GMNN: variants seen among roughly 807,000 people sequenced by gnomAD.
GMNN encodes the protein geminin.
Under a neutral mutation model 20.9 loss-of-function variants are expected in GMNN, and 14 were observed. That is an observed-to-expected ratio of 0.67 (90% CI 0.44 to 1.05). The LOEUF is 1.05. Ranked by LOEUF, GMNN falls within the 50% of genes least tolerant of loss-of-function variation. GMNN has a pLI of 0.00. For missense variants in GMNN, 227 were observed against 243.8 expected (o/e 0.93, Z 0.46); for synonymous variants, 81 against 85.8 (o/e 0.94, Z 0.31).
chr6:24,776,567 C>T (rs757000518), intron 1 of GMNN, among the ~76,000 whole-genome samples: 1 of 152,162 alleles, frequency 6.6e-6, no homozygotes, highest in Non-Finnish European at 1.5e-5. Context: ...CATCTATCGA[C>T]GAGGCACAGG....
At chr6:24,781,436 TAAATC>T in intron 3 of GMNN, 36 bp from the exon 4 acceptor site, 1 of 1,375,634 alleles carries the variant, frequency 7.3e-7, no homozygotes, top group Non-Finnish European at 1.0e-6. Context: ...TCTTGTTAAT[TAAATC>T]AAAGTAAATA....
chr6:24,779,279 A>G (rs1780147624), intron 2 of GMNN, among the ~76,000 whole-genome samples: 1 of 152,240 alleles, frequency 6.6e-6, no homozygotes. Flanking sequence ...TATATACAGA[A>G]AATAATAATA....
At chr6:24,777,924 A>C (rs1445582108) in intron 2 of GMNN, among the ~76,000 whole-genome samples, 1 of 152,088 alleles carries the variant, frequency 6.6e-6, no homozygotes, top group East Asian at 1.9e-4. Context: ...TATATTACAC[A>C]TTTTTCTAGA....
At chr6:24,781,851 G>A (rs1780230360) in intron 4 of GMNN, among the ~76,000 whole-genome samples, 1 of 152,178 alleles carries the variant, frequency 6.6e-6, no homozygotes, top group South Asian at 2.1e-4. Context: ...AGCTTAGGAG[G>A]TTGAAGCAGG....
intron 1 of GMNN, among the ~76,000 whole-genome samples, chr6:24,776,455 T>A (rs1256038382): frequency 1.3e-5 from 2 of 152,204 alleles, no homozygotes; most frequent in Non-Finnish European, 2.9e-5. Context: ...TCCTAAGCTT[T>A]TTTGTTTGCA....
chr6:24,779,927 A>G lies in GMNN; in HGVS notation c.52-736A>G, dbSNP rs1302211139. Among the ~76,000 whole-genome samples the G allele has an allele frequency of 2.6e-5, 4 of 152,326 alleles. No individual in the cohort carries two copies. The East Asian group carries it at 7.7e-4, about 29-fold the overall frequency. ...ATGGGCTTGAAGCAGAACTGCTTCT[A>G]CTATCAGGTAATGGTTGAGGGGGGA... On this transcript the variant is annotated intron_variant, in intron 2 of 6. Coordinates refer to ENST00000230056, the MANE Select transcript of GMNN (RefSeq NM_015895.5).
intron 4 of GMNN, among the ~76,000 whole-genome samples, chr6:24,783,683 ATACTT>A (rs1249877146): frequency 6.6e-6 from 1 of 152,142 alleles, no homozygotes; most frequent in East Asian, 1.9e-4. Context: ...TTCTTATACT[ATACTT>A]ATATAGTATT....
chr6:24,777,339 T>C (rs779573059), intron 2 of GMNN, 42 bp downstream of exon 2: 6 of 747,086 alleles, frequency 8.0e-6, no homozygotes, highest in Non-Finnish European at 1.3e-5. Flanking sequence ...GTAGAAAGCA[T>C]GGGGCTAAAA....
chr6:24,779,344 A>G (rs1780148496), intron 2 of GMNN, among the ~76,000 whole-genome samples: 1 of 152,202 alleles, frequency 6.6e-6, no homozygotes, highest in Non-Finnish European at 1.5e-5. Flanking sequence ...AATAAAAGTT[A>G]AATCTTGGAA....
chr6:24,783,207 A>C (rs1329565183), intron 4 of GMNN, among the ~76,000 whole-genome samples: 1 of 152,192 alleles, frequency 6.6e-6, no homozygotes, highest in Non-Finnish European at 1.5e-5. Flanking sequence ...CACAGACTAC[A>C]GTTGGGAAAA....
chr6:24,777,092 G>C, intron 1 of GMNN, 130 bp from the exon 2 acceptor site: 1 of 412,374 alleles, frequency 2.4e-6, no homozygotes, highest in Non-Finnish European at 4.4e-6. Context: ...TCATTGACAG[G>C]GCTGAGTTTG....
chr6:24,784,654 A>G, intron 6 of GMNN, 100 bp downstream of exon 6: 1 of 553,832 alleles, frequency 1.8e-6, no homozygotes, highest in Non-Finnish European at 3.3e-6. Flanking sequence ...CTCTGGAATC[A>G]GATTTCCTGG....
Position 24,781,547 on chromosome 6 carries a change from T to C in GMNN, c.200T>C (p.Val67Ala). ...HLTSTTSSPG[V>A]IVPESSENKN... The stretch of plus-strand genomic sequence containing the variant: ...ACATCTACAACTTCCAGCCCTGGGG[T>C]TATTGTCCCAGAATCTAGTGAAAAT... Residue 67 changes from valine (V) to alanine (A), a missense_variant, in exon 4 of 7, where the codon GTT becomes GCT. Physicochemically the swap from Val to Ala is moderately conservative, Grantham distance 64. Transcript: ENST00000230056. 2 of 1,573,268 alleles carry C rather than the reference T, an allele frequency of 1.3e-6. No individual in the cohort carries two copies. Among genetic ancestry groups the C allele is most frequent in the Non-Finnish European group, 8.7e-7 (1 of 1,150,960 alleles).
In GMNN at chr6:24,778,545, A is replaced by G. The variant is rs369116743; in HGVS notation, c.51+1248A>G. On this transcript the variant is annotated intron_variant, in intron 2 of 6. Coordinates refer to ENST00000230056, the MANE Select transcript of GMNN (RefSeq NM_015895.5). ...ATTAAGTAAATTAAATTGAGTACCT[A>G]AAAGCCATTGATAAGTATAAGCAAG... Among the ~76,000 whole-genome samples the G allele has an allele frequency of 9.7e-4, 148 of 152,292 alleles. 3 individuals are homozygous for G. In the South Asian group the frequency reaches 0.028, roughly 29 times the overall value.
chr6:24,776,612 G>A (rs192002370), intron 1 of GMNN, among the ~76,000 whole-genome samples: 87 of 152,372 alleles, frequency 5.7e-4, no homozygotes, highest in African/African-American at 2.1e-3. Context: ...GTAGTGGGCA[G>A]TGGGCAGTGG....
chr6:24,778,602 T>A (rs1780134741), intron 2 of GMNN, among the ~76,000 whole-genome samples: 1 of 151,682 alleles, frequency 6.6e-6, no homozygotes, highest in Non-Finnish European at 1.5e-5. Context: ...TTTGCCTTGC[T>A]TTTCTTAGGA....
chr6:24,779,458 T>G (rs928793334), intron 2 of GMNN, among the ~76,000 whole-genome samples: 4 of 152,198 alleles, frequency 2.6e-5, no homozygotes, highest in African/African-American at 9.7e-5. Context: ...CAACGTTACA[T>G]TTTCTTTTAT....
chr6:24,785,884 A>T lies in GMNN; in HGVS notation c.*85A>T. 1.3e-6 allele frequency: 1 copy of T among 768,686 alleles called. No homozygotes were observed. The highest frequency in any genetic ancestry group is 2.1e-6 in the Non-Finnish European group (1 of 468,672). The allele number at this position is 768,686 out of a possible 1,614,324, so 47.6% of individuals were successfully genotyped here. On this transcript the variant is annotated 3_prime_UTR_variant, in exon 7 of 7. Transcript: ENST00000230056. ...TTGTAGCAGAGTACATAACTACATAATGCCAACTCTGGAATCAAATTTCCT... is the reference window on the plus strand; with the variant it reads ...TTGTAGCAGAGTACATAACTACATATTGCCAACTCTGGAATCAAATTTCCT...
At chr6:24,781,798 G>GA (rs556356385) in intron 4 of GMNN, among the ~76,000 whole-genome samples, 177 bp downstream of exon 4, 356 of 152,220 alleles carry the variant, frequency 2.3e-3, no homozygotes, top group African/African-American at 7.5e-3. Context: ...GAAATGTTAG[G>GA]AAAAGGAGGC....
Sources: allele counts gnomAD v4.1 joint callset (sites outside exome capture counted in the v4.1 genomes callset), GRCh38; gene constraint gnomAD v4.1.1; transcripts MANE v1.5; gene names NCBI Gene and HGNC (gene_info 2026-07-23, HGNC 2026-07-21).